JAK3: variants seen among roughly 807,000 people sequenced by gnomAD.
JAK3 encodes the protein Janus kinase 3.
In JAK3, 88 loss-of-function variants were observed where a neutral mutation model predicts 120.8. The observed-to-expected ratio is 0.73, with a 90% CI of 0.61 to 0.87. The LOEUF is 0.87. Among genes scored for constraint, JAK3 ranks in the 40% least tolerant of loss-of-function variants. The pLI is 0.00. For missense variants in JAK3, 1,254 were observed against 1,501.4 expected, an observed-to-expected ratio of 0.84 and a Z score of 2.72; for synonymous variants, 592 against 628.6, an observed-to-expected ratio of 0.94 and a Z score of 0.87.
rs1305538642 is a variant in JAK3, at chr19:17,829,825, C to A, written c.3207+283G>T. 3.2e-5 allele frequency: 17 copies of A among 536,342 alleles called. No individual in the cohort carries two copies. In the East Asian group the frequency reaches 4.6e-4, roughly 14 times the overall value. The allele number at this position is 536,342 out of a possible 1,614,324, so 33.2% of individuals were successfully genotyped here. Reference sequence around the variant, plus strand: ...ATTTATGGAGCATCGACTGTGTGCTCGGCTTTGAGCTGAGCCCTCATAGGC... The same window carrying A: ...ATTTATGGAGCATCGACTGTGTGCTAGGCTTTGAGCTGAGCCCTCATAGGC... On this transcript the variant is annotated intron_variant, in intron 23 of 23. Coordinates refer to ENST00000458235, the MANE Select transcript of JAK3 (RefSeq NM_000215.4).
Position 17,842,341 on chromosome 19 carries a change from A to C in JAK3, c.836T>G (p.Ile279Ser). ...CTCCTGTTCTCCCTGGGTCCAGGCG[A>C]TGCCGCCGTCACCAGCCACGCGGAG... ...GLLRVAGDGG[I>S]AWTQGEQEVL... The change falls in exon 6 of 24, where the codon ATC (isoleucine) becomes AGC (serine). Residue 279 changes from isoleucine (I) to serine (S), a missense_variant. Coordinates refer to ENST00000458235, the MANE Select transcript of JAK3 (RefSeq NM_000215.4). The surrounding 1 kb of genome is among the most constrained non-coding windows in gnomAD (Gnocchi z 6.4). The C allele has an allele frequency of 1.3e-6, 2 of 1,571,014 alleles. No homozygotes were observed. The highest frequency in any genetic ancestry group is 1.7e-6 in the Non-Finnish European group (2 of 1,164,006).
rs1347433816 is a variant in JAK3 at position 17,843,288 on chromosome 19, G to C, written c.420+92C>G. ...CCCACCCCTGGACTGCCACAGGGAG[G>C]GTCAGACGAGGCCCCACCTGATTGC... On this transcript the variant is annotated intron_variant, in intron 4 of 23. Coordinates refer to ENST00000458235, the MANE Select transcript of JAK3 (RefSeq NM_000215.4). This position sits in a 1 kb window ranked among gnomAD's most constrained non-coding sequence, Gnocchi z 5.4. The C allele has an allele frequency of 4.7e-5, 72 of 1,527,382 alleles. No individual in the cohort carries two copies. The highest frequency in any genetic ancestry group is 6.4e-5 in the Non-Finnish European group (72 of 1,125,900). The allele number at this position is 1,527,382 out of a possible 1,614,324, so 94.6% of individuals were successfully genotyped here.
intron 13 of JAK3, among the ~76,000 whole-genome samples, chr19:17,836,292 T>C (rs1371655379): frequency 6.6e-6 from 1 of 152,110 alleles, no homozygotes; most frequent in African/African-American, 2.4e-5. Flanking sequence ...TTTTTTTCTC[T>C]TTTCTTTTGA....
intron 14 of JAK3, 41 bp downstream of exon 14, chr19:17,835,883 T>G (rs1334527539): frequency 6.2e-7 from 1 of 1,612,028 alleles, no homozygotes; most frequent in South Asian, 1.1e-5. Flanking sequence ...GAGAAAGCCT[T>G]CCCTGGGAAT....
chr19:17,845,341 T>G (rs2094249745), intron 1 of JAK3, among the ~76,000 whole-genome samples: 1 of 152,100 alleles, frequency 6.6e-6, no homozygotes, highest in South Asian at 2.1e-4. Flanking sequence ...CTAATTTTCT[T>G]GTATTTTTAG....
In JAK3 at chr19:17,844,435, G is replaced by A; in HGVS notation, c.-13-5C>T. On this transcript the variant is annotated splice_polypyrimidine_tract_variant and splice_region_variant and intron_variant, in intron 1 of 23. Coordinates refer to ENST00000458235, the MANE Select transcript of JAK3 (RefSeq NM_000215.4). ...GGTGCCATGAGTGCAACTTGCCTGGGGCACAGAGAGAAAAAGCCCCTCAGT... is the reference window on the plus strand; with the variant it reads ...GGTGCCATGAGTGCAACTTGCCTGGAGCACAGAGAGAAAAAGCCCCTCAGT... 6.2e-7 allele frequency: 1 copy of A among 1,601,232 alleles called. No individual in the cohort carries two copies. The highest frequency in any genetic ancestry group is 8.5e-7 in the Non-Finnish European group (1 of 1,174,676).
rs1475189215 is a variant in JAK3 at position 17,839,675 on chromosome 19, A to G, written c.1255-12T>C. On this transcript the variant is annotated splice_polypyrimidine_tract_variant and intron_variant, in intron 9 of 23. Coordinates refer to ENST00000458235, the MANE Select transcript of JAK3 (RefSeq NM_000215.4). ...GGACCAAGGGGGTTCTGCAAAGAAG[A>G]GTGGCCCCTGAGTGGGACTGAGCGA... 1.3e-6 allele frequency: 2 copies of G among 1,597,902 alleles called. No individual in the cohort carries two copies. The highest frequency in any genetic ancestry group is 1.7e-6 in the Non-Finnish European group (2 of 1,172,046).
intron 12 of JAK3, among the ~76,000 whole-genome samples, chr19:17,837,425 T>G (rs1483931928): frequency 6.6e-6 from 1 of 152,058 alleles, no homozygotes; most frequent in Non-Finnish European, 1.5e-5. Context: ...TTTGTTTTGT[T>G]TTGTTTTTGA....
Position 17,843,002 on chromosome 19 carries a change from G to T in JAK3, c.566+25C>A, listed in dbSNP as rs1230417750. The T allele has an allele frequency of 1.2e-6, 2 of 1,608,388 alleles. No individual in the cohort carries two copies. The highest frequency in any genetic ancestry group is 1.7e-6 in the Non-Finnish European group (2 of 1,179,622). On this transcript the variant is annotated intron_variant, in intron 5 of 23. Coordinates refer to ENST00000458235, the MANE Select transcript of JAK3 (RefSeq NM_000215.4). The surrounding 1 kb of genome is among the most constrained non-coding windows in gnomAD (Gnocchi z 5.4). Reference sequence around the variant, plus strand: ...CGTTGCTCACTCCCAAGCAGAGGCCGTCCCCACAGCCTGGTGGCTCTCACC... The same window carrying T: ...CGTTGCTCACTCCCAAGCAGAGGCCTTCCCCACAGCCTGGTGGCTCTCACC...
Position 17,837,196 on chromosome 19 carries a change from C to G in JAK3, c.1719G>C (p.Ala573=), listed in dbSNP as rs201371931. The G allele has an allele frequency of 4.5e-6, 7 of 1,570,190 alleles. No individual in the cohort carries two copies. The highest frequency in any genetic ancestry group is 2.7e-5 in the African/African-American group (2 of 73,926). ...KNCMESFLEA[A]SLMSQVSYRH... Reference sequence around the variant, plus strand: ...GGTACGACACTTGGCTCATCAAGCTCGCTGCTTCCAGGAATGACTGGGGAA... The same window carrying G: ...GGTACGACACTTGGCTCATCAAGCTGGCTGCTTCCAGGAATGACTGGGGAA... The change falls in exon 13 of 24, where the codon GCG becomes GCC. Residue 573 remains alanine, a synonymous_variant. Coordinates refer to ENST00000458235, the MANE Select transcript of JAK3 (RefSeq NM_000215.4).
intron 17 of JAK3, 71 bp downstream of exon 17, chr19:17,834,500 A>G: frequency 6.3e-7 from 1 of 1,593,060 alleles, no homozygotes; most frequent in Non-Finnish European, 8.6e-7. Flanking sequence ...GGCCTGCTGC[A>G]AACCACGCTC....
intron 22 of JAK3, 68 bp from the exon 23 acceptor site, chr19:17,830,286 G>A (rs2094211442): frequency 8.2e-7 from 1 of 1,225,608 alleles, no homozygotes; most frequent in African/African-American, 1.5e-5. Flanking sequence ...GGGGCCACCC[G>A]TGGTGGGGGT....
In JAK3 at chr19:17,825,419, T is replaced by C; in HGVS notation, c.*1324A>G. ...GGTCCCATTGGACAGGTGGGAAAACTGAAGCCCTAGGACACTCAGATACCA... is the reference window on the plus strand; with the variant it reads ...GGTCCCATTGGACAGGTGGGAAAACCGAAGCCCTAGGACACTCAGATACCA... On this transcript the variant is annotated 3_prime_UTR_variant, in exon 24 of 24. Coordinates refer to ENST00000458235, the MANE Select transcript of JAK3 (RefSeq NM_000215.4). 4.6e-6 allele frequency: 1 copy of C among 218,756 alleles called. No individual in the cohort carries two copies. Among genetic ancestry groups the C allele is most frequent in the Non-Finnish European group, 9.2e-6 (1 of 108,992 alleles). 13.6% of individuals were successfully genotyped at this position (218,756 alleles called of 1,614,324 possible). A position where few individuals can be genotyped will look rare whatever the true frequency, so the allele number is the denominator to read the frequency against.
At position 17,832,999 on chromosome 19, in the gene JAK3, T is replaced by G. The variant is rs994584354; in HGVS notation, c.2351-70A>C. 4.5e-6 allele frequency: 7 copies of G among 1,560,008 alleles called. No homozygotes were observed. The African/African-American group carries it at 8.2e-5, about 18-fold the overall frequency. On this transcript the variant is annotated intron_variant, in intron 17 of 23. Transcript: ENST00000458235. This position sits in a 1 kb window ranked among gnomAD's most constrained non-coding sequence, Gnocchi z 4.7. ...GGGCCCCACTCCTGAGTTGACTTGCTGTGCAACCTCCATCTGCATATTGAC... is the reference window on the plus strand; with the variant it reads ...GGGCCCCACTCCTGAGTTGACTTGCGGTGCAACCTCCATCTGCATATTGAC...
Position 17,826,266 on chromosome 19 carries a change from T to A in JAK3, c.*477A>T, listed in dbSNP as rs202175296. 1.1e-5 allele frequency: 2 copies of A among 181,278 alleles called. No individual in the cohort carries two copies. Among genetic ancestry groups the A allele is most frequent in the Non-Finnish European group, 2.4e-5 (2 of 84,198 alleles). 11.2% of individuals were successfully genotyped at this position (181,278 alleles called of 1,614,324 possible). The stretch of plus-strand genomic sequence containing the variant: ...CGGGTGTGGTGGTGCACACCTGTAA[T>A]CCCAGCTACTCGGGAGGCTGAGGCA... On this transcript the variant is annotated 3_prime_UTR_variant, in exon 24 of 24. Transcript: ENST00000458235.
rs767865565 is a variant in JAK3, at chr19:17,843,072, G to A, written c.521C>T (p.Ala174Val). The change falls in exon 5 of 24, where the codon GCG becomes GTG. Residue 174 changes from alanine to valine, a missense_variant. Physicochemically the swap from Ala to Val is moderately conservative, Grantham distance 64 (BLOSUM62 0). This residue lies in a region of JAK3 where 486 missense variants were observed against 503.0 expected (regional missense o/e 0.97). Transcript: ENST00000458235. This position sits in a 1 kb window ranked among gnomAD's most constrained non-coding sequence, Gnocchi z 5.4. ...TCCCGGCCGCTGGGCCTGCTCTCGC[G>A]CCATCCGGGCCAGGTCCAACACGGC... is the stretch of plus-strand genomic sequence containing the variant. The part of the protein sequence containing the change: ...SLAVLDLARM[A>V]REQAQRPGEL... 1.2e-5 allele frequency: 20 copies of A among 1,610,462 alleles called. No individual in the cohort carries two copies. Among genetic ancestry groups the A allele is most frequent in the East Asian group, 2.2e-5 (1 of 44,884 alleles).
In JAK3 at chr19:17,832,066, A is replaced by T. The variant is rs1213717374; in HGVS notation, c.2681-268T>A. ...CACTTGAGGTCAGGAGTTCAAGACC[A>T]GCCTGGCCAACATGGTGAAAACCCA... is the stretch of plus-strand genomic sequence containing the variant. On this transcript the variant is annotated intron_variant, in intron 19 of 23. Coordinates refer to ENST00000458235, the MANE Select transcript of JAK3 (RefSeq NM_000215.4). This position sits in a 1 kb window ranked among gnomAD's most constrained non-coding sequence, Gnocchi z 4.7. Among the ~76,000 whole-genome samples, 7 of 152,200 alleles carry T rather than the reference A, an allele frequency of 4.6e-5. No homozygotes were observed. The highest frequency in any genetic ancestry group is 1.0e-4 in the Non-Finnish European group (7 of 68,036).
rs3213407 is a variant in JAK3 at position 17,841,255 on chromosome 19, C to G, written c.1142+134G>C. ...AGGAATACTTCAGCTTCACTGAGCG[C>G]TGACTGTGCGGCAGGTGTGGTTTGA... On this transcript the variant is annotated intron_variant, in intron 8 of 23. Transcript: ENST00000458235. This position sits in a 1 kb window ranked among gnomAD's most constrained non-coding sequence, Gnocchi z 4.1. 0.025 allele frequency: 21,466 copies of G among 844,422 alleles called. 417 individuals carry two copies. Among genetic ancestry groups the G allele is most frequent in the South Asian group, 0.028 (1,662 of 59,240 alleles). 52.3% of individuals were successfully genotyped at this position (844,422 alleles called of 1,614,324 possible). A position where few individuals can be genotyped will look rare whatever the true frequency, so the allele number is the denominator to read the frequency against.
Position 17,831,649 on chromosome 19 carries a change from C to T in JAK3, c.2805+25G>A, listed in dbSNP as rs755684766. The T allele has an allele frequency of 1.9e-6, 3 of 1,598,362 alleles. No homozygotes were observed. Among genetic ancestry groups the T allele is most frequent in the Non-Finnish European group, 2.6e-6 (3 of 1,173,918 alleles). ...CCAGGCCGTGCCAGCTGAATCCCCA[C>T]AAGTCCCGGGGCGCCCCCTCGCACC... On this transcript the variant is annotated intron_variant, in intron 20 of 23. Coordinates refer to ENST00000458235, the MANE Select transcript of JAK3 (RefSeq NM_000215.4). This position sits in a 1 kb window ranked among gnomAD's most constrained non-coding sequence, Gnocchi z 5.1.
Sources: allele counts gnomAD v4.1 joint callset (sites outside exome capture counted in the v4.1 genomes callset), GRCh38; gene constraint gnomAD v4.1.1; regional missense constraint gnomAD v4.1.1; non-coding constraint Gnocchi (gnomAD v3.1); transcripts MANE v1.5; gene names NCBI Gene and HGNC (gene_info 2026-07-23, HGNC 2026-07-21).